The following ERLEC1 variants were observed in gnomAD, a reference collection of about 807,000 sequenced individuals.
The protein encoded by ERLEC1 is ER lectin.
In ERLEC1, 47 loss-of-function variants were observed where a neutral mutation model predicts 68.0. The ratio of observed to expected loss-of-function variants is 0.69; its 90% CI spans 0.55 to 0.88. The LOEUF is 0.88. ERLEC1 is among the 40% of genes least tolerant of loss of function. The probability of loss-of-function intolerance (pLI) is 0.00; values close to 1 mark genes in which losing one functional copy is unlikely to be tolerated. For missense variants in ERLEC1, 567 were observed against 583.8 expected (o/e 0.97, Z 0.30); for synonymous variants, 225 against 203.2 (o/e 1.11, Z -0.91).
At chr2:53,796,889 CTTTT>C (rs958244464) in intron 3 of ERLEC1, among the ~76,000 whole-genome samples, 1 of 117,238 alleles carries the variant, frequency 8.5e-6, no homozygotes, top group African/African-American at 3.1e-5. Flanking sequence ...TTTTCTTTTT[CTTTT>C]TTTTTTTTTT....
chr2:53,813,069 G>C lies in ERLEC1; in HGVS notation c.1222G>C (p.Val408Leu), dbSNP rs1175196445. 1 of 1,608,362 alleles carries C rather than the reference G, an allele frequency of 6.2e-7. No homozygotes were observed. Among genetic ancestry groups the C allele is most frequent in the Non-Finnish European group, 8.5e-7 (1 of 1,178,912 alleles). The change falls in exon 11 of 14, where the codon GTC becomes CTC. Residue 408 changes from valine to leucine, a missense_variant. Physicochemically the swap from Val to Leu is conservative, Grantham distance 32 (BLOSUM62 1). Coordinates refer to ENST00000185150, the MANE Select transcript of ERLEC1 (RefSeq NM_015701.5). ...TCTTCAAGACGATGGTACCCAGACA[G>C]TCAGGTAAAGATTCACTTTACTTGC... ...YHLQDDGTQT[V>L]RMVSHFYGNG... is the part of the protein sequence containing the mutation.
intron 3 of ERLEC1, among the ~76,000 whole-genome samples, chr2:53,796,537 G>A (rs190121099): frequency 6.6e-6 from 1 of 151,722 alleles, no homozygotes; most frequent in Non-Finnish European, 1.5e-5. Context: ...ACGATTCACT[G>A]CAGCCCCAAC....
intron 10 of ERLEC1, 39 bp from the exon 11 acceptor site, chr2:53,812,910 A>G: frequency 6.3e-7 from 1 of 1,598,134 alleles, no homozygotes; most frequent in Non-Finnish European, 8.5e-7. Context: ...ACTTGATGAT[A>G]TCAAGCACGC....
chr2:53,808,590 A>C, intron 9 of ERLEC1, 130 bp downstream of exon 9: 1 of 883,968 alleles, frequency 1.1e-6, no homozygotes, highest in Non-Finnish European at 1.7e-6. Flanking sequence ...TCCCCAAAGA[A>C]CATTTTCTTT....
At chr2:53,804,989 CTTTTTTTT>C (rs746963770) in intron 8 of ERLEC1, among the ~76,000 whole-genome samples, 2 of 98,218 alleles carry the variant, frequency 2.0e-5, no homozygotes, top group Non-Finnish European at 4.1e-5. Flanking sequence ...GACAGGATCT[CTTTTTTTT>C]TTTTTTTTTT....
intron 6 of ERLEC1, among the ~76,000 whole-genome samples, chr2:53,801,118 G>T (rs1299118522): frequency 6.6e-6 from 1 of 151,812 alleles, no homozygotes; most frequent in Non-Finnish European, 1.5e-5. Context: ...TCATTATTTT[G>T]TAGCCCTTTA....
intron 1 of ERLEC1, 31 bp from the exon 2 acceptor site, chr2:53,794,314 A>G (rs770499314): frequency 1.0e-6 from 1 of 982,390 alleles, no homozygotes; most frequent in Non-Finnish European, 1.5e-6. Flanking sequence ...TTCACGGAGA[A>G]CATAATGTAT....
intron 3 of ERLEC1, among the ~76,000 whole-genome samples, chr2:53,796,996 C>G (rs1341833709): frequency 1.3e-5 from 2 of 150,742 alleles, no homozygotes; most frequent in Non-Finnish European, 2.9e-5. Flanking sequence ...GGTTCAAGCG[C>G]TTCTTCTGCC....
At position 53,814,560 on chromosome 2, in the gene ERLEC1, A is replaced by G. The variant is rs756545273; in HGVS notation, c.1244A>G (p.Tyr415Cys). 5 of 1,611,256 alleles carry G rather than the reference A, an allele frequency of 3.1e-6. No homozygotes were observed. In the South Asian group the frequency reaches 5.5e-5, roughly 18 times the overall value. The change falls in exon 12 of 14, where the codon TAT (tyrosine) becomes TGT (cysteine). Residue 415 changes from tyrosine to cysteine, a missense_variant. Transcript: ENST00000185150. ...TQTVRMVSHF[Y>C]GNGDICDITD... ...TGATTCAGGATGGTGTCACATTTTT[A>G]TGGAAATGGAGATATTTGTGATATA...
At chr2:53,809,866 G>A (rs993919635) in intron 10 of ERLEC1, among the ~76,000 whole-genome samples, 1 of 152,072 alleles carries the variant, frequency 6.6e-6, no homozygotes, top group Admixed American at 6.5e-5. Context: ...GACCAGCCTG[G>A]CCAACATGGT....
intron 8 of ERLEC1, among the ~76,000 whole-genome samples, chr2:53,804,489 G>A (rs570086916): frequency 8.5e-5 from 13 of 152,050 alleles, no homozygotes; most frequent in East Asian, 1.9e-4. Context: ...TTGCCCAGGC[G>A]GGTCTCGAAC....
chr2:53,814,532 C>G lies in ERLEC1; in HGVS notation c.1227-11C>G. 6.2e-7 allele frequency: 1 copy of G among 1,600,902 alleles called. No homozygotes were observed. Among genetic ancestry groups the G allele is most frequent in the Admixed American group, 1.7e-5 (1 of 59,608 alleles). ...TTAGTTTAATAAAACTTGTGTGTTT[C>G]TCTGATTCAGGATGGTGTCACATTT... On this transcript the variant is annotated splice_polypyrimidine_tract_variant and intron_variant, in intron 11 of 13. Transcript: ENST00000185150.
chr2:53,796,246 G>GTTTTTTTTTTTTTT (rs200295316), intron 3 of ERLEC1, among the ~76,000 whole-genome samples: 2 of 126,466 alleles, frequency 1.6e-5, no homozygotes, highest in Non-Finnish European at 3.3e-5. Flanking sequence ...TGATGGGTTG[G>GTTTTTTTTTTTTTT]TTTTTTTTTT....
chr2:53,799,135 T>C, intron 6 of ERLEC1, 54 bp downstream of exon 6: 6 of 1,450,284 alleles, frequency 4.1e-6, no homozygotes, highest in South Asian at 1.2e-5. Flanking sequence ...TAGTGAGGTA[T>C]GAATTTATAT....
chr2:53,794,670 T>A (rs2104285565), intron 2 of ERLEC1, among the ~76,000 whole-genome samples: 2 of 152,322 alleles, frequency 1.3e-5, no homozygotes, highest in Middle Eastern at 6.8e-3. Flanking sequence ...TATTTATTTA[T>A]TTTGAGACGA....
chr2:53,810,006 A>G (rs1039030371), intron 10 of ERLEC1, among the ~76,000 whole-genome samples: 1 of 152,172 alleles, frequency 6.6e-6, no homozygotes, highest in Non-Finnish European at 1.5e-5. Flanking sequence ...AGCCGAGATC[A>G]CGCCACTGCA....
chr2:53,795,058 C>G (rs950891967), intron 2 of ERLEC1, among the ~76,000 whole-genome samples: 20 of 152,268 alleles, frequency 1.3e-4, no homozygotes, highest in African/African-American at 4.6e-4. Flanking sequence ...GTATATGTGA[C>G]TTTTTAAATA....
At position 53,787,449 on chromosome 2, in the gene ERLEC1, G is replaced by C. The variant is rs924137919; in HGVS notation, c.162+77G>C. On this transcript the variant is annotated intron_variant, in intron 1 of 13. Transcript: ENST00000185150. ...TCGGCCTCTTCCCTCGGTTTTCTTT[G>C]CTTTTTCTCCCCAAGACCTTCTCTG... is the stretch of plus-strand genomic sequence containing the variant. 3 of 1,499,534 alleles carry C rather than the reference G, an allele frequency of 2.0e-6. No homozygotes were observed. The African/African-American group carries it at 4.2e-5, about 21-fold the overall frequency. 92.9% of individuals were successfully genotyped at this position (1,499,534 alleles called of 1,614,324 possible).
At chr2:53,793,975 G>A (rs1675550547) in intron 1 of ERLEC1, among the ~76,000 whole-genome samples, 1 of 152,098 alleles carries the variant, frequency 6.6e-6, no homozygotes, top group African/African-American at 2.4e-5. Flanking sequence ...TATAAGTGGA[G>A]GCTAAGTGTT....
Sources: allele counts gnomAD v4.1 joint callset (sites outside exome capture counted in the v4.1 genomes callset), GRCh38; gene constraint gnomAD v4.1.1; transcripts MANE v1.5; gene names NCBI Gene and HGNC (gene_info 2026-07-23, HGNC 2026-07-21).